The following SMIM19 variants were observed in gnomAD, a reference collection of about 807,000 sequenced individuals.
SMIM19 encodes the protein small integral membrane protein 19.
Under a neutral mutation model 13.2 loss-of-function variants are expected in SMIM19, and 6 were observed. The ratio of observed to expected loss-of-function variants is 0.45; its 90% CI spans 0.25 to 0.90. The LOEUF is 0.90. Ranked by LOEUF, SMIM19 falls within the 40% of genes least tolerant of loss-of-function variation. The probability of loss-of-function intolerance (pLI) is 0.19; values close to 1 mark genes in which losing one functional copy is unlikely to be tolerated. For missense variants in SMIM19, 138 were observed against 131.0 expected (o/e 1.05, Z -0.26); for synonymous variants, 46 against 43.1 (o/e 1.07, Z -0.27).
At chr8:42,547,242 C>A (rs1813522200) in intron 2 of SMIM19, among the ~76,000 whole-genome samples, 1 of 152,130 alleles carries the variant, frequency 6.6e-6, no homozygotes, top group East Asian at 1.9e-4. Context: ...AGCCTGTAAT[C>A]CCAGCTACTT....
intron 3 of SMIM19, among the ~76,000 whole-genome samples, chr8:42,551,159 A>G (rs1370590023): frequency 6.6e-6 from 1 of 152,074 alleles, no homozygotes; most frequent in Non-Finnish European, 1.5e-5. Flanking sequence ...TCTACTAAAA[A>G]TATAAAAAAT....
rs1383452553 is a variant in SMIM19, at chr8:42,554,414, G to A, written c.*1806G>A. 1 of 152,154 alleles carries A rather than the reference G, an allele frequency of 6.6e-6. No homozygotes were observed. Among genetic ancestry groups the A allele is most frequent in the Non-Finnish European group, 1.5e-5 (1 of 68,038 alleles). The allele number at this position is 152,154 out of a possible 1,614,324, so 9.4% of individuals were successfully genotyped here. A position where few individuals can be genotyped will look rare whatever the true frequency, so the allele number is the denominator to read the frequency against. On this transcript the variant is annotated 3_prime_UTR_variant, in exon 4 of 4. Transcript: ENST00000417410. ...CAATCTGGACAAATTACACAAACTG[G>A]CTATCTCAGATGTGTAAAATTAATG...
At chr8:42,544,285 C>T (rs1354409139) in intron 1 of SMIM19, among the ~76,000 whole-genome samples, 1 of 151,978 alleles carries the variant, frequency 6.6e-6, no homozygotes, top group Non-Finnish European at 1.5e-5. Context: ...GTGGTGGGCT[C>T]CTATAGTCCC....
At position 42,554,151 on chromosome 8, in the gene SMIM19, A is replaced by G. The variant is rs560379339; in HGVS notation, c.*1543A>G. ...TTGTTCAAAAATGTATATATAGTAC[A>G]AAGTGAATTGACCAAACAGAATAAT... On this transcript the variant is annotated 3_prime_UTR_variant, in exon 4 of 4. Coordinates refer to ENST00000417410, the MANE Select transcript of SMIM19 (RefSeq NM_001135674.2). 5 of 152,364 alleles carry G rather than the reference A, an allele frequency of 3.3e-5. No individual in the cohort carries two copies. The South Asian group carries it at 1.0e-3, about 32-fold the overall frequency. The allele number at this position is 152,364 out of a possible 1,614,324, so 9.4% of individuals were successfully genotyped here. A position where few individuals can be genotyped will look rare whatever the true frequency, so the allele number is the denominator to read the frequency against.
At chr8:42,543,101 T>C (rs1214859349) in intron 1 of SMIM19, among the ~76,000 whole-genome samples, 1 of 152,106 alleles carries the variant, frequency 6.6e-6, no homozygotes, top group African/African-American at 2.4e-5. Flanking sequence ...ATTCAGCCCA[T>C]CCTAGCCTCT....
rs1383452553 is a variant in SMIM19 at position 42,554,414 on chromosome 8, G to T, written c.*1806G>T. 1.3e-5 allele frequency: 2 copies of T among 152,154 alleles called. No homozygotes were observed. The allele number at this position is 152,154 out of a possible 1,614,324, so 9.4% of individuals were successfully genotyped here. On this transcript the variant is annotated 3_prime_UTR_variant, in exon 4 of 4. Transcript: ENST00000417410. ...CAATCTGGACAAATTACACAAACTGGCTATCTCAGATGTGTAAAATTAATG... is the reference window on the plus strand; with the variant it reads ...CAATCTGGACAAATTACACAAACTGTCTATCTCAGATGTGTAAAATTAATG...
chr8:42,542,475 T>C, intron 1 of SMIM19, 102 bp downstream of exon 1: 1 of 985,298 alleles, frequency 1.0e-6, no homozygotes, highest in Non-Finnish European at 1.2e-6. Context: ...TGTAAGGGAC[T>C]CTAGGAACTA....
chr8:42,550,809 G>A (rs144928378), intron 3 of SMIM19, among the ~76,000 whole-genome samples: 104 of 152,222 alleles, frequency 6.8e-4, no homozygotes, highest in African/African-American at 2.5e-3. Flanking sequence ...GTGAGCACAT[G>A]TGTGGATTTG....
chr8:42,548,281 TC>T, intron 2 of SMIM19: 1 of 416,694 alleles, frequency 2.4e-6, no homozygotes, highest in East Asian at 7.2e-5. Context: ...CTGCTCACAT[TC>T]AGTTTATTCT....
intron 2 of SMIM19, among the ~76,000 whole-genome samples, chr8:42,547,811 T>C (rs1813538454): frequency 6.6e-6 from 1 of 152,310 alleles, no homozygotes; most frequent in East Asian, 1.9e-4. Flanking sequence ...CCTGGCTCCT[T>C]TCCCAGAAGT....
At chr8:42,551,084 C>T (rs1001058815) in intron 3 of SMIM19, among the ~76,000 whole-genome samples, 24 of 151,982 alleles carry the variant, frequency 1.6e-4, no homozygotes, top group Admixed American at 1.1e-3. Context: ...TTTGGGAGGC[C>T]GAGGCGGGTG....
At chr8:42,548,891 G>A in intron 3 of SMIM19, 111 bp downstream of exon 3, 1 of 1,162,016 alleles carries the variant, frequency 8.6e-7, no homozygotes, top group Non-Finnish European at 1.2e-6. Context: ...TGAAAACTTA[G>A]TACTTCTTTC....
intron 2 of SMIM19, among the ~76,000 whole-genome samples, chr8:42,547,506 T>C (rs1348627270): frequency 2.0e-5 from 3 of 152,234 alleles, no homozygotes; most frequent in African/African-American, 4.8e-5. Flanking sequence ...TCACCCTTCA[T>C]TGAGCACATT....
Position 42,552,629 on chromosome 8 carries a change from A to G in SMIM19, c.*21A>G, listed in dbSNP as rs1425698421. 2 of 1,613,020 alleles carry G rather than the reference A, an allele frequency of 1.2e-6. No individual in the cohort carries two copies. The highest frequency in any genetic ancestry group is 2.2e-5 in the East Asian group (1 of 44,874). On this transcript the variant is annotated 3_prime_UTR_variant, in exon 4 of 4. Coordinates refer to ENST00000417410, the MANE Select transcript of SMIM19 (RefSeq NM_001135674.2). ...AATGAAACCTCAGAAAAAGAGCAAC[A>G]GAAGTAATTGTTTCAAGCTCCTGAT...
At position 42,552,644 on chromosome 8, in the gene SMIM19, A is replaced by G. The variant is rs751495430; in HGVS notation, c.*36A>G. On this transcript the variant is annotated 3_prime_UTR_variant, in exon 4 of 4. Coordinates refer to ENST00000417410, the MANE Select transcript of SMIM19 (RefSeq NM_001135674.2). ...AAAGAGCAACAGAAGTAATTGTTTC[A>G]AGCTCCTGATTCTTTCTACTAAATC... is the stretch of plus-strand genomic sequence containing the variant. 47 of 1,600,900 alleles carry G rather than the reference A, an allele frequency of 2.9e-5. No individual in the cohort carries two copies. The highest frequency in any genetic ancestry group is 3.3e-4 in the Middle Eastern group (2 of 6,056).
Position 42,542,392 on chromosome 8 carries a change from C to G in SMIM19, c.-5+19C>G, listed in dbSNP as rs148893053. The G allele has an allele frequency of 1.1e-4, 107 of 980,546 alleles. No individual in the cohort carries two copies. The highest frequency in any genetic ancestry group is 1.3e-4 in the Non-Finnish European group (104 of 825,532). The allele number at this position is 980,546 out of a possible 1,614,324, so 60.7% of individuals were successfully genotyped here. ...TGAGCTTGTATGTACCCTTTGGCTT[C>G]AGAATACCAAGCCTTTAGTGTTTCA... On this transcript the variant is annotated intron_variant, in intron 1 of 3. Coordinates refer to ENST00000417410, the MANE Select transcript of SMIM19 (RefSeq NM_001135674.2).
At chr8:42,543,037 C>T (rs1813324458) in intron 1 of SMIM19, among the ~76,000 whole-genome samples, 1 of 151,522 alleles carries the variant, frequency 6.6e-6, no homozygotes, top group Non-Finnish European at 1.5e-5. Context: ...CTAAAACCAA[C>T]CCCTAGTTGT....
In SMIM19 at chr8:42,554,563, T is replaced by G. The variant is rs1813766747; in HGVS notation, c.*1955T>G. On this transcript the variant is annotated 3_prime_UTR_variant, in exon 4 of 4. Transcript: ENST00000417410. ...GCCCTGGCAAGTGACAGGAGATGAA[T>G]TCCTCTCCGTTTTTTCCTTAAAGCA... 1 of 152,178 alleles carries G rather than the reference T, an allele frequency of 6.6e-6. No individual in the cohort carries two copies. 9.4% of individuals were successfully genotyped at this position (152,178 alleles called of 1,614,324 possible). A position where few individuals can be genotyped will look rare whatever the true frequency, so the allele number is the denominator to read the frequency against.
Position 42,553,310 on chromosome 8 carries a change from T to C in SMIM19, c.*702T>C, listed in dbSNP as rs1813729746. The C allele has an allele frequency of 6.6e-6, 1 of 152,226 alleles. No individual in the cohort carries two copies. The highest frequency in any genetic ancestry group is 1.5e-5 in the Non-Finnish European group (1 of 68,054). The allele number at this position is 152,226 out of a possible 1,614,324, so 9.4% of individuals were successfully genotyped here. A position where few individuals can be genotyped will look rare whatever the true frequency, so the allele number is the denominator to read the frequency against. On this transcript the variant is annotated 3_prime_UTR_variant, in exon 4 of 4. Coordinates refer to ENST00000417410, the MANE Select transcript of SMIM19 (RefSeq NM_001135674.2). ...TCTGTAACTAGATTTTTCCTCATTA[T>C]GCTCCCAGGAGCGAGTTTGTTTTTA...
Sources: gnomAD v4.1 joint callset for allele counts (sites outside exome capture counted in the v4.1 genomes callset) on GRCh38, gnomAD v4.1.1 for gene constraint, MANE v1.5 for transcripts, NCBI Gene and HGNC (gene_info 2026-07-23, HGNC 2026-07-21) for gene names.